MTA3: variants seen among roughly 807,000 people sequenced by gnomAD.
MTA3 encodes metastasis-associated protein MTA3.
A neutral mutation model predicts 83.5 loss-of-function variants in MTA3; 34 were observed. The observed-to-expected ratio is 0.41, with a 90% CI of 0.31 to 0.54. MTA3 has a LOEUF of 0.54. MTA3 is among the 20% of genes least tolerant of loss of function. The probability of loss-of-function intolerance (pLI) is 0.33; values close to 1 mark genes in which losing one functional copy is unlikely to be tolerated. For synonymous variants in MTA3, 303 were observed against 252.7 expected (o/e 1.20, Z -1.89); for missense variants, 761 against 726.4 (o/e 1.05, Z -0.55).
At chr2:42,505,549 AC>A (rs1325633253) in intron 2 of MTA3, among the ~76,000 whole-genome samples, 1 of 150,696 alleles carries the variant, frequency 6.6e-6, no homozygotes, top group Non-Finnish European at 1.5e-5. Flanking sequence ...AGCACTAAGC[AC>A]CCCCCTGGAG....
At chr2:42,570,137 G>T (rs996537890) in intron 1 of MTA3, among the ~76,000 whole-genome samples, 1 of 152,090 alleles carries the variant, frequency 6.6e-6, no homozygotes, top group Non-Finnish European at 1.5e-5. Flanking sequence ...AGCGTGCCCT[G>T]ACTACACAGT....
At chr2:42,515,128 G>A (rs371657833) in intron 2 of MTA3, among the ~76,000 whole-genome samples, 5 of 151,854 alleles carry the variant, frequency 3.3e-5, no homozygotes, top group African/African-American at 7.2e-5. Context: ...GTGCGATCTC[G>A]GCTCACTGCC....
At chr2:42,613,541 T>C (rs1684477982) in intron 4 of MTA3, 1 of 152,214 alleles carries the variant, frequency 6.6e-6, no homozygotes. Flanking sequence ...GCCTTATCTT[T>C]TTGGCTTTAA....
At chr2:42,716,021 G>C (rs1245133535) in intron 14 of MTA3, among the ~76,000 whole-genome samples, 4 of 152,214 alleles carry the variant, frequency 2.6e-5, no homozygotes, top group Non-Finnish European at 5.9e-5. Flanking sequence ...TGGTTTGGCA[G>C]GCGTTTGATC....
chr2:42,619,656 T>A (rs971303945), intron 4 of MTA3, among the ~76,000 whole-genome samples: 2 of 152,164 alleles, frequency 1.3e-5, no homozygotes, highest in Admixed American at 6.6e-5. Flanking sequence ...ATGTATAAAT[T>A]GAGAAGTTGA....
At chr2:42,701,990 C>A (rs1422475280) in intron 11 of MTA3, among the ~76,000 whole-genome samples, 4 of 151,970 alleles carry the variant, frequency 2.6e-5, no homozygotes, top group Non-Finnish European at 5.9e-5. Flanking sequence ...GTGGGCAGAT[C>A]ACCTGAGGCC....
intron 3 of MTA3, among the ~76,000 whole-genome samples, chr2:42,605,844 A>AC (rs1159525599): frequency 2.4e-4 from 28 of 119,096 alleles, no homozygotes; most frequent in East Asian, 5.3e-4. Flanking sequence ...TGGAGGGCTG[A>AC]CCCCCCCACC....
At chr2:42,623,792 G>A (rs1382405224) in intron 4 of MTA3, among the ~76,000 whole-genome samples, 1 of 150,254 alleles carries the variant, frequency 6.7e-6, no homozygotes, top group East Asian at 2.0e-4. Flanking sequence ...CCAGGTTCAA[G>A]CCATTGTCCT....
intron 14 of MTA3, among the ~76,000 whole-genome samples, chr2:42,713,921 C>T (rs1666831954): frequency 6.6e-6 from 1 of 152,084 alleles, no homozygotes; most frequent in Non-Finnish European, 1.5e-5. Context: ...TGGGAATGTT[C>T]CTTACAAGAT....
intron 3 of MTA3, among the ~76,000 whole-genome samples, chr2:42,608,043 T>C (rs1683711935): frequency 6.6e-6 from 1 of 152,234 alleles, no homozygotes; most frequent in South Asian, 2.1e-4. Context: ...TCATGAGAGA[T>C]GCCGTTGTGA....
At chr2:42,679,896 T>G (rs1691717163) in intron 8 of MTA3, among the ~76,000 whole-genome samples, 1 of 152,046 alleles carries the variant, frequency 6.6e-6, no homozygotes. Flanking sequence ...CAATTTACAT[T>G]GAGTATTTAT....
At chr2:42,705,306 A>G (rs1665980239) in intron 12 of MTA3, among the ~76,000 whole-genome samples, 1 of 152,248 alleles carries the variant, frequency 6.6e-6, no homozygotes, top group Admixed American at 6.5e-5. Context: ...GGATAGCATC[A>G]TAAATACCTT....
intron 13 of MTA3, among the ~76,000 whole-genome samples, chr2:42,708,259 A>G (rs1489395005): frequency 1.3e-5 from 2 of 152,242 alleles, no homozygotes; most frequent in African/African-American, 2.4e-5. Flanking sequence ...ATGGTCTCAG[A>G]CAAAAAAACA....
At chr2:42,659,728 T>G (rs1035810027) in intron 7 of MTA3, 35 bp from the exon 8 acceptor site, 1 of 1,435,754 alleles carries the variant, frequency 7.0e-7, no homozygotes, top group Non-Finnish European at 9.3e-7. Flanking sequence ...AAACAGATAC[T>G]TAATTCTTCC....
At chr2:42,574,940 A>T (rs1244640823) in intron 2 of MTA3, among the ~76,000 whole-genome samples, 1 of 152,254 alleles carries the variant, frequency 6.6e-6, no homozygotes, top group Non-Finnish European at 1.5e-5. Context: ...AACTGTTGGC[A>T]TGTGATTCTG....
chr2:42,504,570 C>A (rs954059899), intron 2 of MTA3, among the ~76,000 whole-genome samples: 53 of 152,258 alleles, frequency 3.5e-4, no homozygotes, highest in African/African-American at 1.3e-3. Flanking sequence ...GATGAGAAGC[C>A]ACCAGAGGGA....
chr2:42,603,299 G>A (rs777712504), intron 3 of MTA3, among the ~76,000 whole-genome samples: 6 of 152,060 alleles, frequency 3.9e-5, no homozygotes, highest in African/African-American at 4.8e-5. Context: ...TTAGGAAGCT[G>A]CTTGCTGGGG....
intron 2 of MTA3, among the ~76,000 whole-genome samples, chr2:42,542,583 A>G (rs543521952): frequency 6.6e-6 from 1 of 152,034 alleles, no homozygotes; most frequent in South Asian, 2.1e-4. Flanking sequence ...ACGGAGTCTC[A>G]CTCTGTTGCC....
intron 16 of MTA3, among the ~76,000 whole-genome samples, chr2:42,730,256 A>C (rs1191879482): frequency 3.3e-5 from 5 of 152,176 alleles, no homozygotes; most frequent in African/African-American, 4.8e-5. Context: ...TACTCTGTTA[A>C]ATAACAGTGG....
Sources: allele counts gnomAD v4.1 joint callset (sites outside exome capture counted in the v4.1 genomes callset), GRCh38; gene constraint gnomAD v4.1.1; transcripts MANE v1.5; gene names NCBI Gene and HGNC (gene_info 2026-07-23, HGNC 2026-07-21).